The following SH3PXD2A variants were observed in gnomAD, a reference collection of about 807,000 sequenced individuals.
SH3PXD2A encodes SH3 and PX domains 2A, also known as SH3 and PX domain-containing protein 2A.
A neutral mutation model predicts 115.2 loss-of-function variants in SH3PXD2A; 32 were observed. The ratio of observed to expected loss-of-function variants is 0.28; its 90% CI spans 0.21 to 0.37. SH3PXD2A has a LOEUF of 0.37. SH3PXD2A is among the 10% of genes least tolerant of loss of function. The pLI, the probability that SH3PXD2A is intolerant of heterozygous loss-of-function variation, is 1.00. For missense variants in SH3PXD2A, 1,328 were observed against 1,498.7 expected (o/e 0.89, Z 1.88); for synonymous variants, 610 against 629.1 (o/e 0.97, Z 0.45).
intron 5 of SH3PXD2A, among the ~76,000 whole-genome samples, chr10:103,712,492 C>T (rs2038058077): frequency 6.6e-6 from 1 of 152,204 alleles, no homozygotes; most frequent in Non-Finnish European, 1.5e-5. Flanking sequence ...AGCCAGGCAG[C>T]ACCCCTCCTC....
chr10:103,826,953 G>C (rs890024188), intron 1 of SH3PXD2A, among the ~76,000 whole-genome samples: 6 of 152,178 alleles, frequency 3.9e-5, no homozygotes, highest in Non-Finnish European at 7.4e-5. Context: ...CTAATGGAGG[G>C]ATAACTCGTA....
At chr10:103,849,829 T>C (rs1215914573) in intron 1 of SH3PXD2A, among the ~76,000 whole-genome samples, 1 of 152,194 alleles carries the variant, frequency 6.6e-6, no homozygotes, top group African/African-American at 2.4e-5. Context: ...CCCCTTGTCC[T>C]TCCTGTCCCC....
intron 8 of SH3PXD2A, among the ~76,000 whole-genome samples, chr10:103,635,999 C>T (rs1445511184): frequency 1.3e-5 from 2 of 152,230 alleles, no homozygotes; most frequent in Non-Finnish European, 2.9e-5. Flanking sequence ...GCACCAGGTC[C>T]TCCCTCTATC....
rs965428431 is a variant in SH3PXD2A, at chr10:103,855,234, C to T, written c.33G>A (p.Val11=). The change falls in exon 1 of 15, where the codon GTG becomes GTA. Residue 11 remains valine, a synonymous_variant. Coordinates refer to ENST00000369774, the MANE Select transcript of SH3PXD2A (RefSeq NM_001394015.1). ...GGTTCCTCCGCTTCTCCACGTCCAC[C>T]ACGGTGGCATCCTGCACGCAGTAGG... MLAYCVQDAT[V]VDVEKRRNPS... 1 of 1,538,704 alleles carries T rather than the reference C, an allele frequency of 6.5e-7. No individual in the cohort carries two copies. Among genetic ancestry groups the T allele is most frequent in the Admixed American group, 2.0e-5 (1 of 49,476 alleles).
intron 1 of SH3PXD2A, among the ~76,000 whole-genome samples, chr10:103,842,174 C>T (rs766765113): frequency 1.9e-4 from 28 of 151,162 alleles, no homozygotes; most frequent in Non-Finnish European, 2.9e-5. Context: ...ACCAACATGC[C>T]TGTCTCCCTC....
intron 14 of SH3PXD2A, among the ~76,000 whole-genome samples, chr10:103,604,080 C>A (rs2036263478): frequency 6.6e-6 from 1 of 152,202 alleles, no homozygotes; most frequent in Non-Finnish European, 1.5e-5. Flanking sequence ...CTGCCTCCCC[C>A]TAAACTGCAC....
At chr10:103,718,992 C>G (rs2038143807) in intron 5 of SH3PXD2A, among the ~76,000 whole-genome samples, 1 of 152,222 alleles carries the variant, frequency 6.6e-6, no homozygotes, top group African/African-American at 2.4e-5. Context: ...GCTTGTTTCC[C>G]TGTCCACCAG....
At chr10:103,845,554 C>A (rs576280460) in intron 1 of SH3PXD2A, among the ~76,000 whole-genome samples, 102 of 152,246 alleles carry the variant, frequency 6.7e-4, no homozygotes, top group African/African-American at 2.3e-3. Context: ...GAATAATACA[C>A]CCCTGGTTTA....
chr10:103,733,524 C>T (rs1295981529), intron 4 of SH3PXD2A, among the ~76,000 whole-genome samples: 1 of 152,176 alleles, frequency 6.6e-6, no homozygotes, highest in Non-Finnish European at 1.5e-5. Flanking sequence ...TAACCAGAAA[C>T]AGTGAATGCC....
intron 8 of SH3PXD2A, among the ~76,000 whole-genome samples, chr10:103,643,173 C>T (rs2036979745): frequency 6.6e-6 from 1 of 152,168 alleles, no homozygotes. Context: ...GGAGCAGCCA[C>T]CACGAATGCC....
intron 14 of SH3PXD2A, among the ~76,000 whole-genome samples, chr10:103,604,443 T>G (rs1237150719): frequency 2.0e-5 from 3 of 152,234 alleles, no homozygotes; most frequent in Non-Finnish European, 4.4e-5. Flanking sequence ...TAGTATAAAC[T>G]GGTTTAAGGA....
At chr10:103,685,818 T>C (rs558157196) in intron 6 of SH3PXD2A, among the ~76,000 whole-genome samples, 4 of 152,150 alleles carry the variant, frequency 2.6e-5, no homozygotes, top group African/African-American at 9.7e-5. Context: ...AGAGTCCACG[T>C]TTTTAACTCA....
intron 5 of SH3PXD2A, among the ~76,000 whole-genome samples, chr10:103,714,395 C>T (rs567256880): frequency 5.3e-5 from 8 of 152,340 alleles, no homozygotes; most frequent in African/African-American, 7.2e-5. Context: ...GAAGAAAATC[C>T]TGTGCCAGGC....
rs765319163 is a variant in SH3PXD2A, at chr10:103,665,870, C to G, written c.472+2738G>C. On this transcript the variant is annotated intron_variant, in intron 7 of 14. Transcript: ENST00000369774. The surrounding 1 kb of genome is among the most constrained non-coding windows in gnomAD (Gnocchi z 4.0). ...GGAGAAGGGGTGTACCTCTTCTAGA[C>G]AGCAGAGCCTCTCCTGGGTTGGAAG... is the stretch of plus-strand genomic sequence containing the variant. 1.3e-5 allele frequency among the ~76,000 whole-genome samples: 2 copies of G among 152,178 alleles called. No homozygotes were observed. The highest frequency in any genetic ancestry group is 2.9e-5 in the Non-Finnish European group (2 of 68,006).
chr10:103,697,258 A>T (rs975126445), intron 5 of SH3PXD2A, among the ~76,000 whole-genome samples: 3 of 152,280 alleles, frequency 2.0e-5, no homozygotes, highest in African/African-American at 7.2e-5. Flanking sequence ...TGCAATGTAC[A>T]GTGTGTAGAA....
intron 5 of SH3PXD2A, among the ~76,000 whole-genome samples, chr10:103,718,752 C>A (rs1278976097): frequency 7.3e-6 from 1 of 137,364 alleles, no homozygotes; most frequent in Non-Finnish European, 1.6e-5. Context: ...CTCCCTCCCC[C>A]CAATCAGGAC....
chr10:103,767,810 GTTT>G (rs34903223), intron 2 of SH3PXD2A, among the ~76,000 whole-genome samples: 12 of 67,740 alleles, frequency 1.8e-4, no homozygotes, highest in African/African-American at 5.6e-4. Flanking sequence ...CAACTGTTTT[GTTT>G]TTTTTTTTTT....
intron 4 of SH3PXD2A, 32 bp downstream of exon 4, chr10:103,735,698 CGA>C: frequency 5.0e-6 from 7 of 1,394,744 alleles, no homozygotes; most frequent in Non-Finnish European, 4.1e-6. Context: ...AAGCCCTCCC[CGA>C]GCCCCTCCCC....
chr10:103,622,547 T>C lies in SH3PXD2A; in HGVS notation c.725A>G (p.Lys242Arg), dbSNP rs925458185. ...GCGCCGCAGATGGGCCTTGCGTCTCTTGGACACTGGTGTGGGAGATGGCGA... is the reference window on the plus strand; with the variant it reads ...GCGCCGCAGATGGGCCTTGCGTCTCCTGGACACTGGTGTGGGAGATGGCGA... ...INTSKTGEVS[K>R]RRKAHLRRLD... Residue 242 changes from lysine (K) to arginine (R), a missense_variant, in exon 10 of 15, where the codon AAG (lysine) becomes AGG (arginine). By Grantham distance (26) the Lys-to-Arg change is conservative. Around this residue, in one of 5 missense-constraint regions of SH3PXD2A, gnomAD observed 509 missense variants for 628.3 expected, o/e 0.81. Coordinates refer to ENST00000369774, the MANE Select transcript of SH3PXD2A (RefSeq NM_001394015.1). The C allele has an allele frequency of 1.0e-5, 16 of 1,549,692 alleles. No individual in the cohort carries two copies. In the African/African-American group the frequency reaches 2.2e-4, roughly 21 times the overall value.
Sources: allele counts gnomAD v4.1 joint callset (sites outside exome capture counted in the v4.1 genomes callset), GRCh38; gene constraint gnomAD v4.1.1; regional missense constraint gnomAD v4.1.1; non-coding constraint Gnocchi (gnomAD v3.1); transcripts MANE v1.5; gene names NCBI Gene and HGNC (gene_info 2026-07-23, HGNC 2026-07-21).